Variants in C4orf36 observed in about 807,000 individuals in gnomAD.
C4orf36 encodes the protein chromosome 4 open reading frame 36, also known as uncharacterized protein C4orf36.
C4orf36 carries 11 observed loss-of-function variants against 12.2 expected under a neutral mutation model. The ratio of observed to expected loss-of-function variants is 0.90; its 90% CI spans 0.57 to 1.49. The LOEUF (loss-of-function observed/expected upper bound fraction) is 1.49. C4orf36 is among the 40% of genes most tolerant of loss of function. The pLI is 0.00. For synonymous variants in C4orf36, 54 were observed against 51.3 expected, an observed-to-expected ratio of 1.05 and a Z score of -0.22; for missense variants, 137 against 133.9, an observed-to-expected ratio of 1.02 and a Z score of -0.11.
chr4:86,889,761 C>A (rs1166122724), intron 2 of C4orf36, among the ~76,000 whole-genome samples: 7 of 152,042 alleles, frequency 4.6e-5, no homozygotes, highest in African/African-American at 1.2e-4. Context: ...ACAAAAAAAT[C>A]AAAAAATTAG....
intron 4 of C4orf36, among the ~76,000 whole-genome samples, chr4:86,882,398 C>T (rs1578774450): frequency 6.6e-6 from 1 of 152,140 alleles, no homozygotes; most frequent in East Asian, 1.9e-4. Context: ...ACTAAGATGG[C>T]CCACAAGGTT....
chr4:86,923,531 G>T, the C4orf36 span, among the ~76,000 whole-genome samples: 1 of 152,164 alleles, frequency 6.6e-6, no homozygotes, highest in Non-Finnish European at 1.5e-5. Flanking sequence ...GCCAAGGCGG[G>T]TGGATCACCT....
At chr4:86,901,053 C>T in the C4orf36 span, among the ~76,000 whole-genome samples, 5 of 150,614 alleles carry the variant, frequency 3.3e-5, no homozygotes, top group Non-Finnish European at 7.4e-5. Context: ...AGTGCAATCT[C>T]GGCTCACCAC....
chr4:86,916,787 C>T, the C4orf36 span, among the ~76,000 whole-genome samples: 2 of 152,202 alleles, frequency 1.3e-5, no homozygotes, highest in African/African-American at 4.8e-5. Context: ...ACTGCTTCTG[C>T]TCAAGAAACT....
Position 86,887,761 on chromosome 4 carries a change from C to T in C4orf36, c.353G>A (p.Ter118=), listed in dbSNP as rs775194048. 7 of 1,614,192 alleles carry T rather than the reference C, an allele frequency of 4.3e-6. 1 individual carries two copies. In the South Asian group the frequency reaches 7.7e-5, roughly 18 times the overall value. Residue 118 remains the stop codon, a stop_retained_variant, in exon 4 of 5, where the codon TGA becomes TAA. Coordinates refer to ENST00000295898, the MANE Select transcript of C4orf36 (RefSeq NM_144645.4). Reference sequence around the variant, plus strand: ...ACAGATTCAATCATGAACTGACTGTCATTTAGATGGAAGAGGTCTTCTCAA... The same window carrying T: ...ACAGATTCAATCATGAACTGACTGTTATTTAGATGGAAGAGGTCTTCTCAA... ...AGLRRPLPSK[*]
chr4:86,923,338 A>G, the C4orf36 span, among the ~76,000 whole-genome samples: 7 of 151,842 alleles, frequency 4.6e-5, no homozygotes, highest in Admixed American at 6.6e-5. Flanking sequence ...TGATCCTCCT[A>G]CCTTGGCCTC....
chr4:86,935,241 G>A, the C4orf36 span: 1 of 152,366 alleles, frequency 6.6e-6, no homozygotes, highest in Non-Finnish European at 1.5e-5. Context: ...GGTCTGGAAG[G>A]TGAGCGCAGC....
Position 86,892,224 on chromosome 4 carries a change from G to C in C4orf36, c.-115C>G, listed in dbSNP as rs1380435610. On this transcript the variant is annotated 5_prime_UTR_variant, in exon 1 of 5. Transcript: ENST00000295898. ...CTCCGACTCGCCAGGAATGCGCTGT[G>C]TGCGCGGGGCTTCCAGGGTGGCGGG... The C allele has an allele frequency of 1.0e-6, 1 of 985,574 alleles. No homozygotes were observed. The highest frequency in any genetic ancestry group is 1.2e-6 in the Non-Finnish European group (1 of 830,134). 61.1% of individuals were successfully genotyped at this position (985,574 alleles called of 1,614,324 possible). A position where few individuals can be genotyped will look rare whatever the true frequency, so the allele number is the denominator to read the frequency against.
rs33998313 is a variant in C4orf36, at chr4:86,880,339, G to A, written c.*3-3896C>T. On this transcript the variant is annotated intron_variant, in intron 4 of 4. Coordinates refer to ENST00000295898, the MANE Select transcript of C4orf36 (RefSeq NM_144645.4). ...AATCCAAAATTAGCCAGGCGTGGTG[G>A]TGCTACTTGGGAGCATGAGGCAGAG... Among the ~76,000 whole-genome samples the A allele has an allele frequency of 2.4e-3, 367 of 152,292 alleles. 1 individual carries two copies. Among genetic ancestry groups the A allele is most frequent in the Non-Finnish European group, 4.2e-3 (287 of 68,012 alleles).
intron 4 of C4orf36, chr4:86,876,708 T>C (rs1374935): frequency 0.53 from 839,415 of 1,587,648 alleles, 227,633 homozygotes; most frequent in South Asian, 0.67. Flanking sequence ...GGGTGATCTT[T>C]ACTATTCAGA....
At chr4:86,877,719 T>A (rs1195384251) in intron 4 of C4orf36, among the ~76,000 whole-genome samples, 2 of 152,204 alleles carry the variant, frequency 1.3e-5, no homozygotes, top group African/African-American at 4.8e-5. Flanking sequence ...AGATAATGGC[T>A]TCTAAATATG....
the C4orf36 span, among the ~76,000 whole-genome samples, chr4:86,902,668 C>T: frequency 4.6e-5 from 7 of 152,128 alleles, no homozygotes; most frequent in African/African-American, 1.7e-4. Flanking sequence ...TCCAAACATC[C>T]AGATAACTTG....
At chr4:86,911,018 A>G in the C4orf36 span, among the ~76,000 whole-genome samples, 68,564 of 152,036 alleles carry the variant, frequency 0.45, 16,823 homozygotes, top group Middle Eastern at 0.62. Context: ...GGGAGGCAGA[A>G]GTTGTAGTGG....
chr4:86,888,907 A>G (rs1249319832), intron 2 of C4orf36, among the ~76,000 whole-genome samples: 3 of 152,136 alleles, frequency 2.0e-5, no homozygotes, highest in Non-Finnish European at 4.4e-5. Context: ...CCCTTTGTTT[A>G]CCTGTTCCAC....
the C4orf36 span, among the ~76,000 whole-genome samples, chr4:86,904,580 CAAAAAAAAAAAAA>C: frequency 1.4e-5 from 1 of 70,458 alleles, no homozygotes; most frequent in African/African-American, 5.2e-5. Context: ...GACTCTGTCT[CAAAAAAAAAAAAA>C]AAAAAAAAAA....
chr4:86,931,782 T>A, the C4orf36 span, among the ~76,000 whole-genome samples: 1 of 152,172 alleles, frequency 6.6e-6, no homozygotes, highest in African/African-American at 2.4e-5. Context: ...ACGCCTGTAA[T>A]CCCAGCACTT....
chr4:86,890,821 T>A (rs1048815428), intron 2 of C4orf36, among the ~76,000 whole-genome samples: 32 of 152,312 alleles, frequency 2.1e-4, no homozygotes, highest in African/African-American at 7.2e-4. Context: ...TGCAAGTACT[T>A]CACATACACG....
chr4:86,891,325 A>G (rs889761335), intron 2 of C4orf36, 131 bp downstream of exon 2: 5 of 657,920 alleles, frequency 7.6e-6, no homozygotes, highest in Non-Finnish European at 1.2e-5. Flanking sequence ...CAGATCCCAG[A>G]CACCTCAAAA....
rs771916056 is a variant in C4orf36 at position 86,888,229 on chromosome 4, T to C, written c.112A>G (p.Asn38Asp). Residue 38 changes from asparagine to aspartate, a missense_variant, in exon 3 of 5, where the codon AAC (asparagine) becomes GAC (aspartate). Transcript: ENST00000295898. ...AAAGGCAACTTGATATTGGCTAGGT[T>C]TGTGGACCAGGTCTTTGCAAGCAAT... ...IALLAKTWST[N>D]LANIKLPFLE... 5.0e-6 allele frequency: 8 copies of C among 1,614,178 alleles called. No individual in the cohort carries two copies. Among genetic ancestry groups the C allele is most frequent in the Non-Finnish European group, 6.8e-6 (8 of 1,180,014 alleles).
Sources: gnomAD v4.1 joint callset for allele counts (sites outside exome capture counted in the v4.1 genomes callset) on GRCh38, gnomAD v4.1.1 for gene constraint, MANE v1.5 for transcripts, NCBI Gene and HGNC (gene_info 2026-07-23, HGNC 2026-07-21) for gene names.